TENM2: variants seen among roughly 807,000 people sequenced by gnomAD.
TENM2 encodes teneurin-2.
Under a neutral mutation model 245.2 loss-of-function variants are expected in TENM2, and 52 were observed. The observed-to-expected ratio is 0.21, with a 90% CI of 0.17 to 0.27. TENM2 has a LOEUF of 0.27. Ranked by LOEUF, TENM2 falls within the 10% of genes least tolerant of loss-of-function variation. The probability of loss-of-function intolerance (pLI) is 1.00; values close to 1 mark genes in which losing one functional copy is unlikely to be tolerated. For missense variants in TENM2, 3,046 were observed against 3,666.8 expected, an observed-to-expected ratio of 0.83 and a Z score of 4.37; for synonymous variants, 1,363 against 1,438.9, an observed-to-expected ratio of 0.95 and a Z score of 1.19.
the TENM2 span, among the ~76,000 whole-genome samples, chr5:167,123,115 T>C: frequency 2.7e-4 from 40 of 146,094 alleles, no homozygotes; most frequent in East Asian, 7.2e-3. Flanking sequence ...CTGGACAACA[T>C]GGCGAAACCC....
At chr5:168,198,188 C>CTTTTTTTTTTTTTT (rs35539116) in intron 15 of TENM2, among the ~76,000 whole-genome samples, 2 of 95,834 alleles carry the variant, frequency 2.1e-5, no homozygotes, top group Non-Finnish European at 3.8e-5. Context: ...CCAATGAACC[C>CTTTTTTTTTTTTTT]TTTTTTTTTT....
chr5:167,217,377 AG>A, the TENM2 span, among the ~76,000 whole-genome samples: 1 of 152,158 alleles, frequency 6.6e-6, no homozygotes, highest in Non-Finnish European at 1.5e-5. Flanking sequence ...AATATTATTA[AG>A]GGGATCAGTC....
chr5:167,046,633 T>A, the TENM2 span, among the ~76,000 whole-genome samples: 1 of 152,150 alleles, frequency 6.6e-6, no homozygotes, highest in South Asian at 2.1e-4. Flanking sequence ...TCTCCATGCA[T>A]CTCTCTACCA....
At chr5:167,134,840 G>T in the TENM2 span, among the ~76,000 whole-genome samples, 1 of 152,052 alleles carries the variant, frequency 6.6e-6, no homozygotes, top group Non-Finnish European at 1.5e-5. Flanking sequence ...TAACCACAGA[G>T]GTCTTAGTAA....
intron 1 of TENM2, among the ~76,000 whole-genome samples, chr5:167,346,275 A>G (rs1444662053): frequency 6.6e-6 from 1 of 152,230 alleles, no homozygotes; most frequent in African/African-American, 2.4e-5. Context: ...TTCTCAACTT[A>G]TCAATTACAG....
intron 13 of TENM2, among the ~76,000 whole-genome samples, chr5:168,167,528 T>G (rs1324684007): frequency 6.6e-6 from 1 of 152,166 alleles, no homozygotes; most frequent in African/African-American, 2.4e-5. Context: ...GGAGGTGATG[T>G]CATAACCACA....
At chr5:168,016,834 G>A (rs1226559881) in intron 5 of TENM2, among the ~76,000 whole-genome samples, 1 of 152,198 alleles carries the variant, frequency 6.6e-6, no homozygotes, top group East Asian at 1.9e-4. Flanking sequence ...CTATAAAATG[G>A]TAATAATAAA....
intron 3 of TENM2, among the ~76,000 whole-genome samples, chr5:167,944,822 T>A (rs1006969438): frequency 6.6e-6 from 1 of 152,172 alleles, no homozygotes; most frequent in Non-Finnish European, 1.5e-5. Context: ...AAAAGCTGAA[T>A]TGTATGATAT....
intron 5 of TENM2, among the ~76,000 whole-genome samples, chr5:167,993,915 C>T (rs776083726): frequency 6.6e-6 from 1 of 152,246 alleles, no homozygotes; most frequent in African/African-American, 2.4e-5. Context: ...TGTTGGTTTA[C>T]AGCCATAGGG....
At chr5:167,208,357 T>A in the TENM2 span, among the ~76,000 whole-genome samples, 1 of 152,204 alleles carries the variant, frequency 6.6e-6, no homozygotes, top group Non-Finnish European at 1.5e-5. Context: ...ACTAAATGAC[T>A]CACCCTTTAG....
At chr5:168,234,425 G>C (rs1480736296) in intron 25 of TENM2, among the ~76,000 whole-genome samples, 1 of 152,020 alleles carries the variant, frequency 6.6e-6, no homozygotes, top group Non-Finnish European at 1.5e-5. Context: ...AAAGCACCTA[G>C]ACAGGGAAGC....
intron 12 of TENM2, among the ~76,000 whole-genome samples, chr5:168,158,829 G>GTATATATATATATATATATATATA (rs780328417): frequency 3.1e-5 from 2 of 63,718 alleles, no homozygotes; most frequent in Non-Finnish European, 5.9e-5. Context: ...GTGTGTGTGT[G>GTATATATATATATATATATATATA]TATATATATA....
At chr5:167,428,232 A>G (rs963933306) in intron 2 of TENM2, among the ~76,000 whole-genome samples, 1 of 152,220 alleles carries the variant, frequency 6.6e-6, no homozygotes, top group Non-Finnish European at 1.5e-5. Flanking sequence ...TATTATGGCT[A>G]CATTGAAATG....
At chr5:167,674,799 T>C (rs1756206008) in intron 2 of TENM2, among the ~76,000 whole-genome samples, 1 of 152,078 alleles carries the variant, frequency 6.6e-6, no homozygotes, top group South Asian at 2.1e-4. Flanking sequence ...AATGTTATCT[T>C]TCTAAAGCCA....
At chr5:167,345,364 A>C (rs1758392016) in intron 1 of TENM2, among the ~76,000 whole-genome samples, 1 of 152,242 alleles carries the variant, frequency 6.6e-6, no homozygotes, top group African/African-American at 2.4e-5. Context: ...ATGGGGACAC[A>C]AATGTTCTCA....
chr5:168,262,244 A>C (rs1411430220), exon 29 of TENM2: 6 of 1,605,150 alleles, frequency 3.7e-6, no homozygotes, highest in Non-Finnish European at 5.1e-6. Flanking sequence ...GGGCGTGTCC[A>C]GCATCGCCAG....
chr5:167,022,799 A>G, the TENM2 span, among the ~76,000 whole-genome samples: 1 of 152,032 alleles, frequency 6.6e-6, no homozygotes, highest in East Asian at 1.9e-4. Flanking sequence ...TGCCTTTTAC[A>G]CTAATTTATC....
intron 9 of TENM2, among the ~76,000 whole-genome samples, chr5:168,106,121 G>A (rs921410154): frequency 4.6e-5 from 7 of 152,116 alleles, no homozygotes; most frequent in Non-Finnish European, 7.3e-5. Flanking sequence ...ATAGCTATTA[G>A]AAATGACAAC....
intron 27 of TENM2, 131 bp from the exon 30 acceptor site, chr5:168,260,152 A>G: frequency 5.4e-6 from 5 of 917,900 alleles, no homozygotes; most frequent in Non-Finnish European, 8.4e-6. Context: ...GGAGACAGTC[A>G]TAAGCTCTTC....
Sources: allele counts gnomAD v4.1 joint callset (sites outside exome capture counted in the v4.1 genomes callset), GRCh38; gene constraint gnomAD v4.1.1; transcripts MANE v1.5; gene names NCBI Gene and HGNC (gene_info 2026-07-23, HGNC 2026-07-21).